The following TMEM82 variants were observed in gnomAD, a reference collection of about 807,000 sequenced individuals.
TMEM82 encodes transmembrane protein 82.
In TMEM82, 30 loss-of-function variants were observed where a neutral mutation model predicts 29.2. That is an observed-to-expected ratio of 1.03 (90% CI 0.77 to 1.39). The LOEUF (loss-of-function observed/expected upper bound fraction) is 1.39. TMEM82 is among the 40% of genes most tolerant of loss of function. The pLI is 0.00. For synonymous variants in TMEM82, 221 were observed against 225.4 expected, an observed-to-expected ratio of 0.98 and a Z score of 0.18; for missense variants, 442 against 447.7, an observed-to-expected ratio of 0.99 and a Z score of 0.12.
chr1:15,747,789 T>C lies in TMEM82; in HGVS notation c.*157T>C, dbSNP rs764977581. On this transcript the variant is annotated 3_prime_UTR_variant, in exon 6 of 6. Transcript: ENST00000375782. ...GAGCCCCGAGAAGGGAAGGCAGGAT[T>C]TGGGGATGGGAGCCTCTGGAGAGGG... is the stretch of plus-strand genomic sequence containing the variant. The C allele has an allele frequency of 8.1e-6, 5 of 617,242 alleles. No individual in the cohort carries two copies. Among genetic ancestry groups the C allele is most frequent in the Non-Finnish European group, 2.6e-6 (1 of 378,794 alleles). The allele number at this position is 617,242 out of a possible 1,614,324, so 38.2% of individuals were successfully genotyped here. A position where few individuals can be genotyped will look rare whatever the true frequency, so the allele number is the denominator to read the frequency against.
At position 15,744,318 on chromosome 1, in the gene TMEM82, G is replaced by C; in HGVS notation, c.495G>C (p.Leu165=). 1 of 1,544,092 alleles carries C rather than the reference G, an allele frequency of 6.5e-7. No individual in the cohort carries two copies. The change falls in exon 4 of 6, where the codon CTG becomes CTC. Residue 165 remains leucine, a synonymous_variant. Coordinates refer to ENST00000375782, the MANE Select transcript of TMEM82 (RefSeq NM_001013641.3). This position sits in a 1 kb window ranked among gnomAD's most constrained non-coding sequence, Gnocchi z 5.2. The part of the protein sequence containing the change: ...LSLGLATLLG[L]GARRLHRHVC... ...TCGGGCTGGCCACGCTGCTGGGCCT[G>C]GGTGCCCGGCGCCTCCACCGCCACG...
intron 2 of TMEM82, 44 bp downstream of exon 2, chr1:15,742,951 CG>C (rs1557671711): frequency 6.2e-7 from 1 of 1,607,462 alleles, no homozygotes; most frequent in South Asian, 1.1e-5. Flanking sequence ...GCTGGGGGCA[CG>C]GGGACCCCCA....
intron 4 of TMEM82, among the ~76,000 whole-genome samples, chr1:15,746,527 G>T (rs1483686210): frequency 1.3e-5 from 2 of 152,080 alleles, no homozygotes. Flanking sequence ...TGTTCAGCTG[G>T]GAATGTGCTT....
In TMEM82 at chr1:15,747,772, A is replaced by G; in HGVS notation, c.*140A>G. Reference sequence around the variant, plus strand: ...CTCAGCACAGGCCCTGGGAGCCCCGAGAAGGGAAGGCAGGATTTGGGGATG... The same window carrying G: ...CTCAGCACAGGCCCTGGGAGCCCCGGGAAGGGAAGGCAGGATTTGGGGATG... On this transcript the variant is annotated 3_prime_UTR_variant, in exon 6 of 6. Coordinates refer to ENST00000375782, the MANE Select transcript of TMEM82 (RefSeq NM_001013641.3). 1.4e-6 allele frequency: 1 copy of G among 698,488 alleles called. No individual in the cohort carries two copies. The highest frequency in any genetic ancestry group is 2.2e-6 in the Non-Finnish European group (1 of 447,122). The allele number at this position is 698,488 out of a possible 1,614,324, so 43.3% of individuals were successfully genotyped here.
chr1:15,747,740 C>T lies in TMEM82; in HGVS notation c.*108C>T, dbSNP rs565152017. On this transcript the variant is annotated 3_prime_UTR_variant, in exon 6 of 6. Coordinates refer to ENST00000375782, the MANE Select transcript of TMEM82 (RefSeq NM_001013641.3). ...GCAGAGTGGCAGAGCTGGCCTCCTG[C>T]CCAGAGCTCAGCACAGGCCCTGGGA... 88 of 1,024,854 alleles carry T rather than the reference C, an allele frequency of 8.6e-5. No homozygotes were observed. The highest frequency in any genetic ancestry group is 1.0e-4 in the Non-Finnish European group (69 of 689,950). The allele number at this position is 1,024,854 out of a possible 1,614,324, so 63.5% of individuals were successfully genotyped here.
At position 15,742,819 on chromosome 1, in the gene TMEM82, C is replaced by T. The variant is rs2068300695; in HGVS notation, c.89-16C>T. 2 of 1,609,722 alleles carry T rather than the reference C, an allele frequency of 1.2e-6. No individual in the cohort carries two copies. The highest frequency in any genetic ancestry group is 1.3e-5 in the African/African-American group (1 of 74,990). On this transcript the variant is annotated splice_polypyrimidine_tract_variant and intron_variant, in intron 1 of 5. Coordinates refer to ENST00000375782, the MANE Select transcript of TMEM82 (RefSeq NM_001013641.3). Reference sequence around the variant, plus strand: ...CCCCTGCACGCTGCCTCGCTGCCTCCCTCCCGCCCCCTCAGGCCTGATCGG... The same window carrying T: ...CCCCTGCACGCTGCCTCGCTGCCTCTCTCCCGCCCCCTCAGGCCTGATCGG...
Position 15,742,506 on chromosome 1 carries a change from T to A in TMEM82, c.-54T>A, listed in dbSNP as rs569035590. 1.3e-5 allele frequency: 18 copies of A among 1,356,074 alleles called. No individual in the cohort carries two copies. Among genetic ancestry groups the A allele is most frequent in the Non-Finnish European group, 1.8e-5 (18 of 1,012,552 alleles). The allele number at this position is 1,356,074 out of a possible 1,614,324, so 84.0% of individuals were successfully genotyped here. A position where few individuals can be genotyped will look rare whatever the true frequency, so the allele number is the denominator to read the frequency against. On this transcript the variant is annotated 5_prime_UTR_variant, in exon 1 of 6. Transcript: ENST00000375782. ...CACCGACACCTTTGCCCAGTGACGT[T>A]GGTCTGTCCTTACGCAGACCTGGCC...
rs2068297300 is a variant in TMEM82 at position 15,742,511 on chromosome 1, T to C, written c.-49T>C. The C allele has an allele frequency of 7.0e-7, 1 of 1,438,306 alleles. No individual in the cohort carries two copies. Among genetic ancestry groups the C allele is most frequent in the East Asian group, 2.4e-5 (1 of 41,214 alleles). 89.1% of individuals were successfully genotyped at this position (1,438,306 alleles called of 1,614,324 possible). On this transcript the variant is annotated 5_prime_UTR_variant, in exon 1 of 6. Coordinates refer to ENST00000375782, the MANE Select transcript of TMEM82 (RefSeq NM_001013641.3). ...ACACCTTTGCCCAGTGACGTTGGTC[T>C]GTCCTTACGCAGACCTGGCCGGAGG...
chr1:15,742,865 T>C lies in TMEM82; in HGVS notation c.119T>C (p.Leu40Pro). ...GLIGALGVLV[L>P]NSLLKVYFFV... Reference sequence around the variant, plus strand: ...ATCGGGGCCCTTGGAGTCTTGGTCCTGAACAGCCTCCTGAAAGTTTACTTC... The same window carrying C: ...ATCGGGGCCCTTGGAGTCTTGGTCCCGAACAGCCTCCTGAAAGTTTACTTC... The change falls in exon 2 of 6, where the codon CTG (leucine) becomes CCG (proline). Residue 40 changes from leucine to proline, a missense_variant. Transcript: ENST00000375782. The C allele has an allele frequency of 1.2e-6, 2 of 1,612,844 alleles. No homozygotes were observed. The highest frequency in any genetic ancestry group is 8.5e-7 in the Non-Finnish European group (1 of 1,179,948).
rs777085136 is a variant in TMEM82 at position 15,743,037 on chromosome 1, C to G, written c.179C>G (p.Pro60Arg). ...VGCANDPQRR[P>R]EKERLRAQWA... Reference sequence around the variant, plus strand: ...CCCCAAAGTGACCCGCAGCGGCGACCCGAAAAGGAGCGGCTTCGGGCCCAG... The same window carrying G: ...CCCCAAAGTGACCCGCAGCGGCGACGCGAAAAGGAGCGGCTTCGGGCCCAG... The change falls in exon 3 of 6, where the codon CCC (proline) becomes CGC (arginine). Residue 60 changes from proline to arginine, a missense_variant. Physicochemically the swap from Pro to Arg is moderately radical, Grantham distance 103. Transcript: ENST00000375782. 6.2e-7 allele frequency: 1 copy of G among 1,600,846 alleles called. No homozygotes were observed. Among genetic ancestry groups the G allele is most frequent in the South Asian group, 1.1e-5 (1 of 89,342 alleles).
chr1:15,743,141 G>C lies in TMEM82; in HGVS notation c.283G>C (p.Val95Leu). The C allele has an allele frequency of 1.2e-6, 2 of 1,611,638 alleles. No individual in the cohort carries two copies. The highest frequency in any genetic ancestry group is 1.7e-6 in the Non-Finnish European group (2 of 1,179,886). The change falls in exon 3 of 6, where the codon GTG (valine) becomes CTG (leucine). Residue 95 changes from valine (V) to leucine (L), a missense_variant. By Grantham distance (32) the Val-to-Leu change is conservative. Coordinates refer to ENST00000375782, the MANE Select transcript of TMEM82 (RefSeq NM_001013641.3). ...CGTGGGGTCCCGGGTGGCTGCCCTC[G>C]TGGTGCTCGAGTTCTCCCTCCGGGC... ...TVVGSRVAAL[V>L]VLEFSLRAVS...
chr1:15,747,109 C>T (rs2068342454), intron 5 of TMEM82, 55 bp downstream of exon 5: 1 of 1,556,854 alleles, frequency 6.4e-7, no homozygotes, highest in Middle Eastern at 1.7e-4. Flanking sequence ...TTCAAACAGC[C>T]CAGGAGCCTC....
At position 15,743,288 on chromosome 1, in the gene TMEM82, T is replaced by C. The variant is rs554425789; in HGVS notation, c.336+94T>C. ...TGGGCAGCAGGGCCCAGGTCCAGCA[T>C]CCCAGCCTCTTCGCCGTATTTTCCG... On this transcript the variant is annotated intron_variant, in intron 3 of 5. Coordinates refer to ENST00000375782, the MANE Select transcript of TMEM82 (RefSeq NM_001013641.3). The C allele has an allele frequency of 1.2e-5, 16 of 1,367,394 alleles. No homozygotes were observed. In the South Asian group the frequency reaches 2.0e-4, roughly 17 times the overall value. 84.7% of individuals were successfully genotyped at this position (1,367,394 alleles called of 1,614,324 possible). A position where few individuals can be genotyped will look rare whatever the true frequency, so the allele number is the denominator to read the frequency against.
intron 4 of TMEM82, among the ~76,000 whole-genome samples, chr1:15,745,723 G>A (rs1172308245): frequency 1.3e-5 from 2 of 151,458 alleles, no homozygotes; most frequent in Non-Finnish European, 2.9e-5. Context: ...TGAAACCCCC[G>A]TCTCTACTAG....
Position 15,743,095 on chromosome 1 carries a change from G to A in TMEM82, c.237G>A (p.Gly79=). 2.5e-6 allele frequency: 4 copies of A among 1,611,850 alleles called. No homozygotes were observed. The highest frequency in any genetic ancestry group is 1.3e-5 in the African/African-American group (1 of 75,062). The change falls in exon 3 of 6, where the codon GGG becomes GGA. Residue 79 remains glycine, a synonymous_variant. Transcript: ENST00000375782. ...CCCTGGAAACGGTGCACCTGGCAGG[G>A]CTGGCCCTGTTTCTGACGGTCGTGG... ...WASLETVHLA[G]LALFLTVVGS...
At chr1:15,743,319 CTG>C (rs2068307113) in intron 3 of TMEM82, 125 bp downstream of exon 3, 5 of 1,218,750 alleles carry the variant, frequency 4.1e-6, no homozygotes, top group Admixed American at 5.6e-5. Context: ...TTCCGTAAGA[CTG>C]AGAACAGAGG....
Position 15,747,638 on chromosome 1 carries a change from C to T in TMEM82, c.*6C>T, listed in dbSNP as rs777364823. ...AGAGTTCGGCCCCCTCTTGACCTGC[C>T]TCAGGGAGGATCTGGAGTCTGTCTC... On this transcript the variant is annotated 3_prime_UTR_variant, in exon 6 of 6. Transcript: ENST00000375782. The T allele has an allele frequency of 6.2e-6, 10 of 1,613,176 alleles. No individual in the cohort carries two copies. Among genetic ancestry groups the T allele is most frequent in the Non-Finnish European group, 7.6e-6 (9 of 1,179,292 alleles).
Position 15,747,066 on chromosome 1 carries a change from C to T in TMEM82, c.945+12C>T. On this transcript the variant is annotated intron_variant, in intron 5 of 5. Coordinates refer to ENST00000375782, the MANE Select transcript of TMEM82 (RefSeq NM_001013641.3). The stretch of plus-strand genomic sequence containing the variant: ...TCTGCCAGATACAGGTGGGCACCCC[C>T]ATCCCATGTGTCCCCCAGACAATGA... 6.2e-7 allele frequency: 1 copy of T among 1,600,030 alleles called. No individual in the cohort carries two copies. Among genetic ancestry groups the T allele is most frequent in the African/African-American group, 1.3e-5 (1 of 74,618 alleles).
In TMEM82 at chr1:15,747,900, TG is replaced by T. The variant is rs1479842449; in HGVS notation, c.*273del. On this transcript the variant is annotated 3_prime_UTR_variant, in exon 6 of 6. Coordinates refer to ENST00000375782, the MANE Select transcript of TMEM82 (RefSeq NM_001013641.3). ...TCAGACCTGCCTTCCTGGGCAGGGG[TG>T]GGGGTGCATCCTCAGGAGGGCTCCC... is the stretch of plus-strand genomic sequence containing the variant. 2.5e-6 allele frequency: 1 copy of T among 401,380 alleles called. No homozygotes were observed. The highest frequency in any genetic ancestry group is 4.4e-6 in the Non-Finnish European group (1 of 225,324). The allele number at this position is 401,380 out of a possible 1,614,324, so 24.9% of individuals were successfully genotyped here.
Sources: allele counts gnomAD v4.1 joint callset (sites outside exome capture counted in the v4.1 genomes callset), GRCh38; gene constraint gnomAD v4.1.1; non-coding constraint Gnocchi (gnomAD v3.1); transcripts MANE v1.5; gene names NCBI Gene and HGNC (gene_info 2026-07-23, HGNC 2026-07-21).